TEAD1: variants seen among roughly 807,000 people sequenced by gnomAD.
TEAD1 encodes transcriptional enhancer factor TEF-1.
TEAD1 carries 9 observed loss-of-function variants against 54.9 expected under a neutral mutation model. The ratio of observed to expected loss-of-function variants is 0.16; its 90% CI spans 0.10 to 0.29. TEAD1 has a LOEUF of 0.29. Ranked by LOEUF, TEAD1 falls within the 10% of genes least tolerant of loss-of-function variation. The pLI, the probability that TEAD1 is intolerant of heterozygous loss-of-function variation, is 1.00. For missense variants in TEAD1, 387 were observed against 535.9 expected (o/e 0.72, Z 2.74); for synonymous variants, 200 against 187.8 (o/e 1.07, Z -0.53).
chr11:12,730,694 CTTTTTTTTTT>C (rs71313457), intron 2 of TEAD1, among the ~76,000 whole-genome samples: 2 of 65,640 alleles, frequency 3.0e-5, no homozygotes, highest in Non-Finnish European at 5.4e-5. Flanking sequence ...CTACATAGCT[CTTTTTTTTTT>C]TTTTTTTTTT....
chr11:12,816,417 A>G (rs998190563), intron 3 of TEAD1, among the ~76,000 whole-genome samples: 1 of 152,190 alleles, frequency 6.6e-6, no homozygotes, highest in Admixed American at 6.6e-5. Context: ...TTTCTTCTGC[A>G]CGCTCTTTTT....
At chr11:12,832,087 TC>T (rs1946796284) in intron 3 of TEAD1, among the ~76,000 whole-genome samples, 1 of 151,834 alleles carries the variant, frequency 6.6e-6, no homozygotes, top group African/African-American at 2.4e-5. Context: ...AACCACACTG[TC>T]CCCCCACCCC....
chr11:12,700,199 C>T (rs149338524), intron 2 of TEAD1, among the ~76,000 whole-genome samples: 2 of 152,224 alleles, frequency 1.3e-5, no homozygotes, highest in Admixed American at 1.3e-4. Flanking sequence ...CCCATTTAAG[C>T]CCTTTTGTTT....
intron 2 of TEAD1, among the ~76,000 whole-genome samples, chr11:12,689,425 T>C (rs1480380497): frequency 5.3e-5 from 8 of 152,232 alleles, no homozygotes; most frequent in Admixed American, 5.2e-4. Flanking sequence ...GCAACCTCTT[T>C]ATCCTTCTGA....
chr11:12,932,666 A>G (rs556865501), intron 12 of TEAD1, among the ~76,000 whole-genome samples: 1 of 152,256 alleles, frequency 6.6e-6, no homozygotes, highest in African/African-American at 2.4e-5. Flanking sequence ...AATTCCTGTC[A>G]CCTAGTGATG....
rs1056962987 is a variant in TEAD1, at chr11:12,900,045, T to G, written c.700-1895T>G. Among the ~76,000 whole-genome samples, 15 of 152,202 alleles carry G rather than the reference T, an allele frequency of 9.9e-5. 1 individual carries two copies. The highest frequency in any genetic ancestry group is 1.4e-4 in the African/African-American group (6 of 41,452). ...GTTTGAGAAACTCTAGATTATATGT[T>G]TAAAAATGTTTCTTTATGGAAGTGC... is the stretch of plus-strand genomic sequence containing the variant. On this transcript the variant is annotated intron_variant, in intron 9 of 12. Coordinates refer to ENST00000527636, the MANE Select transcript of TEAD1 (RefSeq NM_021961.6).
intron 4 of TEAD1, among the ~76,000 whole-genome samples, chr11:12,864,170 A>G (rs548880521): frequency 1.4e-4 from 22 of 152,276 alleles, no homozygotes; most frequent in Admixed American, 1.1e-3. Flanking sequence ...TACAGAATCC[A>G]GAGCTCTTAA....
intron 9 of TEAD1, among the ~76,000 whole-genome samples, chr11:12,887,309 A>T (rs900058719): frequency 1.3e-5 from 2 of 151,884 alleles, no homozygotes; most frequent in African/African-American, 4.8e-5. Flanking sequence ...GTTAGCCAAG[A>T]TGGTCTCGAT....
At chr11:12,845,264 G>T (rs12283353) in intron 3 of TEAD1, among the ~76,000 whole-genome samples, 1 of 152,114 alleles carries the variant, frequency 6.6e-6, no homozygotes, top group Non-Finnish European at 1.5e-5. Flanking sequence ...GCCGGGCCTA[G>T]AATTTTTATA....
chr11:12,897,294 C>G (rs1476254255), intron 9 of TEAD1, among the ~76,000 whole-genome samples: 1 of 152,188 alleles, frequency 6.6e-6, no homozygotes, highest in Non-Finnish European at 1.5e-5. Context: ...AATAATCCAC[C>G]TTGGCCCACT....
chr11:12,785,163 G>A (rs1564939054), intron 3 of TEAD1, among the ~76,000 whole-genome samples: 2 of 152,192 alleles, frequency 1.3e-5, no homozygotes, highest in Admixed American at 6.5e-5. Context: ...CGTGGGGAAC[G>A]TGTGGGCCTG....
At chr11:12,718,576 C>A (rs1944113917) in intron 2 of TEAD1, among the ~76,000 whole-genome samples, 1 of 151,978 alleles carries the variant, frequency 6.6e-6, no homozygotes. Context: ...TTTCGATGTA[C>A]CGTTGCTTTT....
At chr11:12,804,723 G>A (rs539006746) in intron 3 of TEAD1, among the ~76,000 whole-genome samples, 9 of 152,230 alleles carry the variant, frequency 5.9e-5, no homozygotes, top group East Asian at 1.9e-4. Context: ...TCCTTCCTTC[G>A]CTCCCTGCCT....
rs397971557 is a variant in TEAD1, at chr11:12,835,476, A to ATT, written c.203-26759_203-26758dup. Among the ~76,000 whole-genome samples, 1,380 of 139,710 alleles carry ATT rather than the reference A, an allele frequency of 9.9e-3. 22 individuals are homozygous for ATT. The highest frequency in any genetic ancestry group is 0.034 in the African/African-American group (1,296 of 37,892). 91.7% of individuals were successfully genotyped at this position (139,710 alleles called of 152,430 possible). A position where few individuals can be genotyped will look rare whatever the true frequency, so the allele number is the denominator to read the frequency against. On this transcript the variant is annotated intron_variant, in intron 3 of 12. Transcript: ENST00000527636. The stretch of plus-strand genomic sequence containing the variant: ...AGGCTCGTGCCAGCACACCCGGCTA[A>ATT]TTTTTTTTTTTTTTTTGTATTTTTA...
At chr11:12,711,301 G>T (rs1348134602) in intron 2 of TEAD1, among the ~76,000 whole-genome samples, 1 of 152,168 alleles carries the variant, frequency 6.6e-6, no homozygotes, top group Non-Finnish European at 1.5e-5. Flanking sequence ...ATCCTGGCTA[G>T]AGCAGGAGTT....
At chr11:12,879,916 A>C (rs1947931253) in intron 6 of TEAD1, 74 bp downstream of exon 6, 2 of 1,602,730 alleles carry the variant, frequency 1.2e-6, no homozygotes, top group East Asian at 4.5e-5. Flanking sequence ...TAAGCCTCCC[A>C]CCTCCATTTC....
chr11:12,698,622 T>TC (rs1364830285), intron 2 of TEAD1, among the ~76,000 whole-genome samples: 3 of 152,024 alleles, frequency 2.0e-5, no homozygotes, highest in African/African-American at 7.2e-5. Flanking sequence ...TACCAGCTGA[T>TC]CCTTAGGAGT....
At chr11:12,797,649 TG>T (rs1320298830) in intron 3 of TEAD1, among the ~76,000 whole-genome samples, 3 of 152,146 alleles carry the variant, frequency 2.0e-5, no homozygotes, top group Non-Finnish European at 1.5e-5. Context: ...CCCTCTTTTT[TG>T]TAGGGGTTTC....
At chr11:12,890,304 C>T (rs1387858584) in intron 9 of TEAD1, among the ~76,000 whole-genome samples, 2 of 152,162 alleles carry the variant, frequency 1.3e-5, no homozygotes, top group Non-Finnish European at 2.9e-5. Flanking sequence ...CAAGGCCAGA[C>T]CTCTGAGGGC....
Sources: allele counts gnomAD v4.1 joint callset (sites outside exome capture counted in the v4.1 genomes callset), GRCh38; gene constraint gnomAD v4.1.1; transcripts MANE v1.5; gene names NCBI Gene and HGNC (gene_info 2026-07-23, HGNC 2026-07-21).